CMPK1: variants seen among roughly 807,000 people sequenced by gnomAD.
The protein encoded by CMPK1 is UMP-CMP kinase.
A neutral mutation model predicts 25.7 loss-of-function variants in CMPK1; 10 were observed. That is an observed-to-expected ratio of 0.39 (90% CI 0.24 to 0.66). The LOEUF is 0.66. Ranked by LOEUF, CMPK1 falls within the 30% of genes least tolerant of loss-of-function variation. The pLI, the probability that CMPK1 is intolerant of heterozygous loss-of-function variation, is 0.48. For synonymous variants in CMPK1, 106 were observed against 101.5 expected, an observed-to-expected ratio of 1.04 and a Z score of -0.27; for missense variants, 199 against 280.5, an observed-to-expected ratio of 0.71 and a Z score of 2.08.
chr1:47,348,603 C>T (rs1485464583), intron 1 of CMPK1, among the ~76,000 whole-genome samples: 1 of 152,160 alleles, frequency 6.6e-6, no homozygotes, highest in Non-Finnish European at 1.5e-5. Flanking sequence ...TTCTTCCATG[C>T]CTGGTTTCCA....
At chr1:47,374,445 C>T (rs898206821) in intron 3 of CMPK1, among the ~76,000 whole-genome samples, 46 of 152,142 alleles carry the variant, frequency 3.0e-4, no homozygotes, top group African/African-American at 1.1e-3. Context: ...TAGAATGTTA[C>T]CACAGCTTTA....
At chr1:47,374,697 CTTA>C (rs1646696322) in intron 3 of CMPK1, among the ~76,000 whole-genome samples, 1 of 151,830 alleles carries the variant, frequency 6.6e-6, no homozygotes, top group Admixed American at 6.6e-5. Flanking sequence ...TGAATGAATT[CTTA>C]TTATGCTCTG....
In CMPK1 at chr1:47,372,937, A is replaced by T; in HGVS notation, c.319-18A>T. 2 of 1,599,548 alleles carry T rather than the reference A, an allele frequency of 1.3e-6. No individual in the cohort carries two copies. Among genetic ancestry groups the T allele is most frequent in the Non-Finnish European group, 1.7e-6 (2 of 1,175,758 alleles). On this transcript the variant is annotated intron_variant, in intron 2 of 5. Coordinates refer to ENST00000371873, the MANE Select transcript of CMPK1 (RefSeq NM_016308.3). The stretch of plus-strand genomic sequence containing the variant: ...TTTGTTAATGTTGTATTGAACCTAA[A>T]TCTTCTTTTTCCTTTAGGAAATGGA...
Position 47,375,285 on chromosome 1 carries a change from G to C in CMPK1, c.637G>C (p.Val213Leu). 6.3e-7 allele frequency: 1 copy of C among 1,575,276 alleles called. No homozygotes were observed. Among genetic ancestry groups the C allele is most frequent in the Non-Finnish European group, 8.6e-7 (1 of 1,158,020 alleles). ...KVKKIDASKS[V>L]DEVFDEVVQI... ...CAAGAAAATAGATGCTTCTAAATCT[G>C]TTGATGAAGTAAGTGTTCCTAGCCT... Residue 213 changes from valine (V) to leucine (L), a missense_variant, in exon 5 of 6, where the codon GTT becomes CTT. Val to Leu is a conservative substitution (Grantham distance 32). This residue lies in a region of CMPK1 where 140 missense variants were observed against 235.5 expected (regional missense o/e 0.59). Coordinates refer to ENST00000371873, the MANE Select transcript of CMPK1 (RefSeq NM_016308.3).
chr1:47,351,078 TTTTGTTTG>T (rs371788247), intron 1 of CMPK1, among the ~76,000 whole-genome samples: 2 of 151,806 alleles, frequency 1.3e-5, no homozygotes, highest in South Asian at 4.1e-4. Context: ...TTAACATAAT[TTTTGTTTG>T]TTTGTTTGTT....
At chr1:47,334,679 C>A (rs993282780) in intron 1 of CMPK1, among the ~76,000 whole-genome samples, 1 of 152,210 alleles carries the variant, frequency 6.6e-6, no homozygotes, top group Non-Finnish European at 1.5e-5. Flanking sequence ...CGCTGGCACT[C>A]TCGAGCCCCG....
At chr1:47,355,460 A>C (rs1411590944) in intron 1 of CMPK1, among the ~76,000 whole-genome samples, 2 of 149,540 alleles carry the variant, frequency 1.3e-5, no homozygotes, top group East Asian at 4.0e-4. Context: ...GACTACAGGC[A>C]TGCACCACTA....
intron 1 of CMPK1, among the ~76,000 whole-genome samples, chr1:47,361,359 A>T (rs1035021678): frequency 6.6e-6 from 1 of 152,190 alleles, no homozygotes; most frequent in African/African-American, 2.4e-5. Context: ...ACTGCACTCC[A>T]GCCTGGGCGA....
intron 1 of CMPK1, among the ~76,000 whole-genome samples, chr1:47,342,586 T>G (rs1646448840): frequency 6.6e-6 from 1 of 152,118 alleles, no homozygotes; most frequent in Non-Finnish European, 1.5e-5. Flanking sequence ...TTATTTTAAT[T>G]TTTACAAATT....
intron 2 of CMPK1, among the ~76,000 whole-genome samples, chr1:47,372,094 A>ATTT (rs1370485765): frequency 1.5e-5 from 2 of 130,378 alleles, no homozygotes; most frequent in South Asian, 2.5e-4. Context: ...CTTTTTTCCT[A>ATTT]TTTTTTTTTT....
chr1:47,375,001 T>C lies in CMPK1; in HGVS notation c.548+16T>C. On this transcript the variant is annotated intron_variant, in intron 4 of 5. Coordinates refer to ENST00000371873, the MANE Select transcript of CMPK1 (RefSeq NM_016308.3). ...TGGAAAAGAGGTACTTGGCAGTTTTTACATACAACCACTTCAATCCCAGAC... is the reference window on the plus strand; with the variant it reads ...TGGAAAAGAGGTACTTGGCAGTTTTCACATACAACCACTTCAATCCCAGAC... The C allele has an allele frequency of 6.3e-7, 1 of 1,587,274 alleles. No homozygotes were observed. Among genetic ancestry groups the C allele is most frequent in the South Asian group, 1.1e-5 (1 of 90,444 alleles).
intron 1 of CMPK1, among the ~76,000 whole-genome samples, chr1:47,368,199 C>A (rs1028549592): frequency 1.3e-5 from 2 of 152,172 alleles, no homozygotes; most frequent in African/African-American, 4.8e-5. Context: ...CCACCTCAGC[C>A]TCCCAAATTG....
intron 1 of CMPK1, among the ~76,000 whole-genome samples, chr1:47,361,871 CTTT>C (rs34928345): frequency 5.7e-4 from 72 of 125,892 alleles, no homozygotes; most frequent in African/African-American, 1.7e-3. Context: ...AAATACTACT[CTTT>C]TTTTTTTTTT....
At position 47,370,245 on chromosome 1, in the gene CMPK1, C is replaced by G. The variant is rs923304007; in HGVS notation, c.318+1630C>G. Among the ~76,000 whole-genome samples, 16 of 151,968 alleles carry G rather than the reference C, an allele frequency of 1.1e-4. No homozygotes were observed. The South Asian group carries it at 2.9e-3, about 28-fold the overall frequency. ...TCTCTGTTTTTTAACCCACGTCCCT[C>G]TCATCATTGATGTTCGCTCAGCCAT... is the stretch of plus-strand genomic sequence containing the variant. On this transcript the variant is annotated intron_variant, in intron 2 of 5. Transcript: ENST00000371873.
At chr1:47,352,781 T>C (rs1646531941) in intron 1 of CMPK1, among the ~76,000 whole-genome samples, 1 of 152,118 alleles carries the variant, frequency 6.6e-6, no homozygotes, top group South Asian at 2.1e-4. Context: ...GCCCATGTAG[T>C]CTGCTGTACA....
Position 47,366,640 on chromosome 1 carries a change from G to T in CMPK1, c.172-1829G>T, listed in dbSNP as rs142479598. Among the ~76,000 whole-genome samples, 16 of 152,252 alleles carry T rather than the reference G, an allele frequency of 1.1e-4. No individual in the cohort carries two copies. In the East Asian group the frequency reaches 2.9e-3, roughly 27 times the overall value. ...ACATGAGACACATGTGTATAGGTTT[G>T]ACATCTTTATATTCATTTGAATTCT... On this transcript the variant is annotated intron_variant, in intron 1 of 5. Coordinates refer to ENST00000371873, the MANE Select transcript of CMPK1 (RefSeq NM_016308.3).
intron 1 of CMPK1, among the ~76,000 whole-genome samples, chr1:47,337,740 G>A (rs1463974580): frequency 1.3e-5 from 2 of 151,844 alleles, no homozygotes; most frequent in Non-Finnish European, 2.9e-5. Flanking sequence ...AGCCTCCCGA[G>A]TAGCTTGGAC....
chr1:47,334,323 C>T (rs893932438), intron 1 of CMPK1, among the ~76,000 whole-genome samples: 15 of 152,044 alleles, frequency 9.9e-5, no homozygotes, highest in African/African-American at 2.7e-4. Context: ...GCCTTGGGGG[C>T]CACCGCTTGA....
rs1646714511 is a variant in CMPK1 at position 47,377,367 on chromosome 1, G to T, written c.*622G>T. 1 of 152,246 alleles carries T rather than the reference G, an allele frequency of 6.6e-6. No homozygotes were observed. The highest frequency in any genetic ancestry group is 2.1e-4 in the South Asian group (1 of 4,826). The allele number at this position is 152,246 out of a possible 1,614,324, so 9.4% of individuals were successfully genotyped here. On this transcript the variant is annotated 3_prime_UTR_variant, in exon 6 of 6. Transcript: ENST00000371873. ...ATTCTTTGCTTCCAAGATTTGGGTT[G>T]GGGGCACTAGGGGTTCAGAGCCTGG... is the stretch of plus-strand genomic sequence containing the variant.
Sources: allele counts gnomAD v4.1 joint callset (sites outside exome capture counted in the v4.1 genomes callset), GRCh38; gene constraint gnomAD v4.1.1; regional missense constraint gnomAD v4.1.1; transcripts MANE v1.5; gene names NCBI Gene and HGNC (gene_info 2026-07-23, HGNC 2026-07-21).